SHE: variants seen among roughly 807,000 people sequenced by gnomAD.
SHE encodes SH2 domain-containing adapter protein E.
SHE carries 11 observed loss-of-function variants against 49.8 expected under a neutral mutation model. The ratio of observed to expected loss-of-function variants is 0.22; its 90% CI spans 0.14 to 0.37. The LOEUF (loss-of-function observed/expected upper bound fraction) is 0.37, where lower values mean the gene tolerates loss of function less well. Among genes scored for constraint, SHE ranks in the 10% least tolerant of loss-of-function variants. The pLI is 1.00. For synonymous variants in SHE, 310 were observed against 278.1 expected, an observed-to-expected ratio of 1.11 and a Z score of -1.14; for missense variants, 624 against 655.5, an observed-to-expected ratio of 0.95 and a Z score of 0.52.
At chr1:154,491,903 G>A (rs1692378768) in intron 2 of SHE, among the ~76,000 whole-genome samples, 5 of 152,176 alleles carry the variant, frequency 3.3e-5, no homozygotes, top group Admixed American at 3.3e-4. Context: ...GTGGCTGGAA[G>A]GAGGTGCCAG....
downstream of SHE, among the ~76,000 whole-genome samples, chr1:154,475,706 C>A (rs1350319537): frequency 1.3e-5 from 2 of 152,162 alleles, no homozygotes; most frequent in Non-Finnish European, 2.9e-5. Flanking sequence ...AGGTGGGGAT[C>A]ACAGACAAAA....
At chr1:154,479,080 T>C (rs981569171), downstream of SHE, among the ~76,000 whole-genome samples, 3 of 152,090 alleles carry the variant, frequency 2.0e-5, no homozygotes, top group Admixed American at 6.6e-5. Flanking sequence ...TTAAAATAGG[T>C]TTTTGAACTT....
downstream of SHE, among the ~76,000 whole-genome samples, chr1:154,479,268 A>AT (rs1267144788): frequency 5.9e-5 from 9 of 152,206 alleles, no homozygotes; most frequent in Non-Finnish European, 1.0e-4. Flanking sequence ...CTGTATTACT[A>AT]TTTTACTTGG....
At chr1:154,498,144 G>A (rs181097795) in intron 2 of SHE, among the ~76,000 whole-genome samples, 1 of 152,206 alleles carries the variant, frequency 6.6e-6, no homozygotes, top group East Asian at 1.9e-4. Flanking sequence ...CCAGGCTGGA[G>A]TGCAATGGCT....
rs1400201319 is a variant in SHE, at chr1:154,484,350, A to G, written c.1302-15T>C. 6 of 1,601,006 alleles carry G rather than the reference A, an allele frequency of 3.7e-6. No individual in the cohort carries two copies. The highest frequency in any genetic ancestry group is 5.1e-6 in the Non-Finnish European group (6 of 1,169,476). ...CTTGACTAGTCCTGGAATGAAAATCAAGGAGGAGACATGAATGAGTGGGCA... is the reference window on the plus strand; with the variant it reads ...CTTGACTAGTCCTGGAATGAAAATCGAGGAGGAGACATGAATGAGTGGGCA... On this transcript the variant is annotated splice_polypyrimidine_tract_variant and intron_variant, in intron 5 of 5. Transcript: ENST00000304760.
downstream of SHE, among the ~76,000 whole-genome samples, chr1:154,474,628 CT>C (rs1274970345): frequency 6.6e-6 from 1 of 152,196 alleles, no homozygotes; most frequent in Non-Finnish European, 1.5e-5. Context: ...CCTCAGCCTC[CT>C]GAGTAGCTGG....
chr1:154,481,816 T>C lies in SHE; in HGVS notation c.*2333A>G, dbSNP rs541441599. The C allele has an allele frequency of 1.3e-5, 13 of 974,628 alleles. No homozygotes were observed. The East Asian group carries it at 1.4e-3, about 103-fold the overall frequency. 60.4% of individuals were successfully genotyped at this position (974,628 alleles called of 1,614,324 possible). A position where few individuals can be genotyped will look rare whatever the true frequency, so the allele number is the denominator to read the frequency against. On this transcript the variant is annotated 3_prime_UTR_variant, in exon 6 of 6. Coordinates refer to ENST00000304760, the MANE Select transcript of SHE (RefSeq NM_001010846.3). ...GAACCAATACACACTGAAAACATTC[T>C]ATCAGTATCTGAAAAAAACATTCCT... is the stretch of plus-strand genomic sequence containing the variant.
Position 154,489,204 on chromosome 1 carries a change from C to G in SHE, c.871G>C (p.Asp291His), listed in dbSNP as rs12043246. Residue 291 changes from aspartate (D) to histidine (H), a missense_variant, in exon 3 of 6, where the codon GAC becomes CAC. Asp to His is a moderately conservative substitution (Grantham distance 81). Transcript: ENST00000304760. Reference protein sequence around the residue: ...DLLGKPPQLYDTPYEPAEGGP... With the variant: ...DLLGKPPQLYHTPYEPAEGGP... The stretch of plus-strand genomic sequence containing the variant: ...CCTTCTGCAGGCTCGTAGGGAGTGT[C>G]GTATAGCTGTGGCGGCTTCCCCAGG... 1 of 1,614,056 alleles carries G rather than the reference C, an allele frequency of 6.2e-7. No homozygotes were observed. The highest frequency in any genetic ancestry group is 1.3e-5 in the African/African-American group (1 of 74,924).
At chr1:154,490,888 G>A (rs774641304) in intron 2 of SHE, among the ~76,000 whole-genome samples, 1 of 151,630 alleles carries the variant, frequency 6.6e-6, no homozygotes, top group African/African-American at 2.4e-5. Context: ...AAATCAAAAA[G>A]GTATAGTCTG....
At position 154,489,326 on chromosome 1, in the gene SHE, A is replaced by G; in HGVS notation, c.749T>C (p.Leu250Pro). 1 of 1,613,680 alleles carries G rather than the reference A, an allele frequency of 6.2e-7. No homozygotes were observed. Among genetic ancestry groups the G allele is most frequent in the Non-Finnish European group, 8.5e-7 (1 of 1,179,798 alleles). Residue 250 changes from leucine to proline, a missense_variant, in exon 3 of 6, where the codon CTG becomes CCG. Transcript: ENST00000304760. ...EIRRRGSKDPLVKALQLLDSP... is the reference protein window; with the variant it reads ...EIRRRGSKDPPVKALQLLDSP... ...GTCAAGCAGCTGGAGAGCCTTCACC[A>G]GGGGATCTTTGGAACCCCGTCGTCT...
chr1:154,495,260 T>C (rs770331962), intron 2 of SHE, among the ~76,000 whole-genome samples: 8 of 152,228 alleles, frequency 5.3e-5, no homozygotes, highest in Non-Finnish European at 1.0e-4. Context: ...TAATGCTAGA[T>C]TATGTAGAAT....
intron 1 of SHE, among the ~76,000 whole-genome samples, chr1:154,500,301 TCA>T (rs1325081832): frequency 6.6e-6 from 1 of 152,208 alleles, no homozygotes. Context: ...TGTGATCTAG[TCA>T]CACAGTCAGG....
intron 2 of SHE, among the ~76,000 whole-genome samples, chr1:154,496,380 AAC>A (rs1349313372): frequency 1.3e-5 from 2 of 152,220 alleles, no homozygotes; most frequent in Non-Finnish European, 1.5e-5. Context: ...AATTGTTTAA[AAC>A]AGAGCATGGA....
intron 3 of SHE, among the ~76,000 whole-genome samples, chr1:154,488,830 G>A (rs935852062): frequency 2.0e-5 from 3 of 152,144 alleles, no homozygotes; most frequent in Non-Finnish European, 2.9e-5. Context: ...CAAGTGATCC[G>A]CCTGCCTTCT....
rs181502123 is a variant in SHE, at chr1:154,482,146, T to G, written c.*2003A>C. ...CTCGTGCCTCAGCCTCCCAAGCAGC[T>G]GGAACTACAGGTGCCCGCCACCGTG... On this transcript the variant is annotated 3_prime_UTR_variant, in exon 6 of 6. Transcript: ENST00000304760. 82 of 200,462 alleles carry G rather than the reference T, an allele frequency of 4.1e-4. No individual in the cohort carries two copies. In the East Asian group the frequency reaches 0.015, roughly 37 times the overall value. 12.4% of individuals were successfully genotyped at this position (200,462 alleles called of 1,614,324 possible).
Position 154,486,697 on chromosome 1 carries a change from T to C in SHE, c.1025-14A>G. On this transcript the variant is annotated splice_polypyrimidine_tract_variant and intron_variant, in intron 3 of 5. Transcript: ENST00000304760. ...CTTCAAACTGGACTGGAAGGAAGAC[T>C]CCATTTAACATCACAGGCCACTGCG... The C allele has an allele frequency of 6.2e-7, 1 of 1,613,586 alleles. No homozygotes were observed. The highest frequency in any genetic ancestry group is 8.5e-7 in the Non-Finnish European group (1 of 1,179,986).
Position 154,481,516 on chromosome 1 carries a change from G to A in SHE, c.*2633C>T, listed in dbSNP as rs1032831998. ...AATGTATCTGGCCTGTTTTCAAGAT[G>A]TTATTTCATTATACATTCATCACAG... On this transcript the variant is annotated 3_prime_UTR_variant, in exon 6 of 6. Coordinates refer to ENST00000304760, the MANE Select transcript of SHE (RefSeq NM_001010846.3). 26 of 985,376 alleles carry A rather than the reference G, an allele frequency of 2.6e-5. No individual in the cohort carries two copies. Among genetic ancestry groups the A allele is most frequent in the Non-Finnish European group, 3.1e-5 (26 of 829,930 alleles). 61.0% of individuals were successfully genotyped at this position (985,376 alleles called of 1,614,324 possible).
rs1571040002 is a variant in SHE, at chr1:154,479,534, G to A, written c.*4615C>T. 1 of 985,152 alleles carries A rather than the reference G, an allele frequency of 1.0e-6. No homozygotes were observed. Among genetic ancestry groups the A allele is most frequent in the Non-Finnish European group, 1.2e-6 (1 of 829,730 alleles). The allele number at this position is 985,152 out of a possible 1,614,324, so 61.0% of individuals were successfully genotyped here. A position where few individuals can be genotyped will look rare whatever the true frequency, so the allele number is the denominator to read the frequency against. On this transcript the variant is annotated 3_prime_UTR_variant, in exon 6 of 6. Coordinates refer to ENST00000304760, the MANE Select transcript of SHE (RefSeq NM_001010846.3). ...TACATTTCAGAGGAAACTATCTTCA[G>A]GAGGGCATGAAGCCTATATTGGCTA... is the stretch of plus-strand genomic sequence containing the variant.
intron 3 of SHE, 87 bp downstream of exon 3, chr1:154,488,964 C>A: frequency 6.9e-7 from 1 of 1,452,796 alleles, no homozygotes; most frequent in East Asian, 2.3e-5. Context: ...TATAAAGGTA[C>A]CCACAAGGAA....
Sources: gnomAD v4.1 joint callset for allele counts (sites outside exome capture counted in the v4.1 genomes callset) on GRCh38, gnomAD v4.1.1 for gene constraint, MANE v1.5 for transcripts, NCBI Gene and HGNC (gene_info 2026-07-23, HGNC 2026-07-21) for gene names.